NPNT: variants seen among roughly 807,000 people sequenced by gnomAD.
NPNT encodes nephronectin.
Under a neutral mutation model 68.6 loss-of-function variants are expected in NPNT, and 45 were observed. The observed-to-expected ratio is 0.66, with a 90% CI of 0.52 to 0.84. NPNT has a LOEUF of 0.84. NPNT is among the 40% of genes least tolerant of loss of function. The pLI is 0.00. For missense variants in NPNT, 672 were observed against 714.8 expected (o/e 0.94, Z 0.68); for synonymous variants, 233 against 253.3 (o/e 0.92, Z 0.76).
At chr4:105,947,994 G>A (rs1469241381) in intron 8 of NPNT, among the ~76,000 whole-genome samples, 3 of 152,078 alleles carry the variant, frequency 2.0e-5, no homozygotes, top group African/African-American at 4.8e-5. Context: ...GAATGAAATG[G>A]AATTTTATAT....
At chr4:105,905,549 C>T (rs1047761407) in intron 2 of NPNT, among the ~76,000 whole-genome samples, 5 of 151,988 alleles carry the variant, frequency 3.3e-5, no homozygotes, top group African/African-American at 1.2e-4. Flanking sequence ...TGTAACACTA[C>T]GTTTTGGAAA....
chr4:105,919,331 C>T (rs1325288651), intron 2 of NPNT, among the ~76,000 whole-genome samples: 1 of 152,034 alleles, frequency 6.6e-6, no homozygotes, highest in East Asian at 1.9e-4. Flanking sequence ...ACACTTCGTG[C>T]CTAAACACTT....
At chr4:105,920,395 T>TA (rs11355483) in intron 2 of NPNT, among the ~76,000 whole-genome samples, 1,162 of 79,412 alleles carry the variant, frequency 0.015, 49 homozygotes, top group African/African-American at 0.051. Flanking sequence ...GTTACTCTAC[T>TA]AAAAAAAAAA....
chr4:105,898,145 C>T (rs1726034330), intron 2 of NPNT, 144 bp downstream of exon 2: 1 of 510,488 alleles, frequency 2.0e-6, no homozygotes, highest in Non-Finnish European at 3.5e-6. Flanking sequence ...AGGTACAGTC[C>T]AGACTCCTTA....
chr4:105,970,771 T>C lies in NPNT; in HGVS notation c.*1781T>C. The C allele has an allele frequency of 5.5e-6, 2 of 364,238 alleles. No individual in the cohort carries two copies. The allele number at this position is 364,238 out of a possible 1,614,324, so 22.6% of individuals were successfully genotyped here. On this transcript the variant is annotated 3_prime_UTR_variant, in exon 12 of 12. Coordinates refer to ENST00000379987, the MANE Select transcript of NPNT (RefSeq NM_001033047.3). ...ACAAATTATAGAATTTCCCAAAAGA[T>C]GTTTTGATCCTACTAGTAGTATGCA...
At chr4:105,958,984 G>A (rs1476400752) in intron 9 of NPNT, 44 bp from the exon 10 acceptor site, 2 of 1,266,804 alleles carry the variant, frequency 1.6e-6, no homozygotes, top group South Asian at 1.2e-5. Context: ...GTTGTTTTTT[G>A]TTGATTTTCT....
rs572823702 is a variant in NPNT, at chr4:105,970,345, C to G, written c.*1355C>G. On this transcript the variant is annotated 3_prime_UTR_variant, in exon 12 of 12. Coordinates refer to ENST00000379987, the MANE Select transcript of NPNT (RefSeq NM_001033047.3). Reference sequence around the variant, plus strand: ...TCATTCCTGAGGTTTGTCTTAATTTCTGATTAAGTAATCAGAATATTTTCT... The same window carrying G: ...TCATTCCTGAGGTTTGTCTTAATTTGTGATTAAGTAATCAGAATATTTTCT... 8.1e-4 allele frequency: 554 copies of G among 681,266 alleles called. 6 individuals carry two copies. The African/African-American group carries it at 8.4e-3, about 10-fold the overall frequency. 42.2% of individuals were successfully genotyped at this position (681,266 alleles called of 1,614,324 possible).
chr4:105,896,489 G>C (rs1383310681), intron 1 of NPNT, among the ~76,000 whole-genome samples: 1 of 152,184 alleles, frequency 6.6e-6, no homozygotes, highest in African/African-American at 2.4e-5. Context: ...TCTGTCGGGA[G>C]GGTGTGCTCG....
At chr4:105,935,193 C>G (rs531542401) in intron 3 of NPNT, among the ~76,000 whole-genome samples, 1 of 152,178 alleles carries the variant, frequency 6.6e-6, no homozygotes, top group African/African-American at 2.4e-5. Flanking sequence ...ATCCTTTTCT[C>G]GAGATATAGG....
At chr4:105,898,655 T>TA (rs1403111498) in intron 2 of NPNT, among the ~76,000 whole-genome samples, 1 of 152,196 alleles carries the variant, frequency 6.6e-6, no homozygotes, top group African/African-American at 2.4e-5. Flanking sequence ...GTTCTATAAG[T>TA]AACCAACCTC....
In NPNT at chr4:105,897,943, T is replaced by C. The variant is rs145112631; in HGVS notation, c.114T>C (p.Tyr38=). ...TGTCATCGATTGGCCTATGTCGTTA[T>C]GGTGGGAGGATTGACTGCTGCTGGG... The part of the protein sequence containing the change: ...QIVSSIGLCR[Y]GGRIDCCWGW... The change falls in exon 2 of 12, where the codon TAT becomes TAC. Residue 38 remains tyrosine (Y), a synonymous_variant. Coordinates refer to ENST00000379987, the MANE Select transcript of NPNT (RefSeq NM_001033047.3). 2.4e-4 allele frequency: 384 copies of C among 1,613,692 alleles called. No homozygotes were observed. Among genetic ancestry groups the C allele is most frequent in the Non-Finnish European group, 2.9e-4 (347 of 1,179,904 alleles).
Position 105,920,644 on chromosome 4 carries a change from C to T in NPNT, c.173-6692C>T, listed in dbSNP as rs367733146. Among the ~76,000 whole-genome samples the T allele has an allele frequency of 1.3e-4, 19 of 151,870 alleles. 1 individual carries two copies. The East Asian group carries it at 1.7e-3, about 14-fold the overall frequency. ...AACTTGAGATGCACATATACAGATG[C>T]AGCCACTTATTTTGGCGGGGGACAC... is the stretch of plus-strand genomic sequence containing the variant. On this transcript the variant is annotated intron_variant, in intron 2 of 11. Coordinates refer to ENST00000379987, the MANE Select transcript of NPNT (RefSeq NM_001033047.3).
intron 2 of NPNT, chr4:105,898,241 T>C (rs1034212691): frequency 6.0e-5 from 21 of 352,258 alleles, no homozygotes; most frequent in Non-Finnish European, 1.1e-4. Flanking sequence ...TCTTTTAGCA[T>C]TTTTCCCCCC....
At chr4:105,950,013 A>G (rs946196494) in intron 8 of NPNT, among the ~76,000 whole-genome samples, 1 of 152,208 alleles carries the variant, frequency 6.6e-6, no homozygotes, top group African/African-American at 2.4e-5. Context: ...TCATTATATC[A>G]TTAATTCCTT....
In NPNT at chr4:105,940,611, C is replaced by T. The variant is rs893643007; in HGVS notation, c.738C>T (p.Tyr246=). The change falls in exon 7 of 12, where the codon TAC becomes TAT. Residue 246 remains tyrosine, a synonymous_variant. Transcript: ENST00000379987. The stretch of plus-strand genomic sequence containing the variant: ...ACAAGTGCAAATGTAAAGAAGGATA[C>T]CAGGGTGATGGACTGACTTGTGTGT... ...GSYKCKCKEG[Y]QGDGLTCVYI... 6.2e-7 allele frequency: 1 copy of T among 1,613,230 alleles called. No individual in the cohort carries two copies. Among genetic ancestry groups the T allele is most frequent in the Non-Finnish European group, 8.5e-7 (1 of 1,179,384 alleles).
At chr4:105,939,956 C>T (rs747267617) in intron 5 of NPNT, 119 bp from the exon 6 acceptor site, 21 of 779,678 alleles carry the variant, frequency 2.7e-5, no homozygotes, top group Admixed American at 7.1e-5. Context: ...AGCTAGATAC[C>T]GTTTATGATG....
chr4:105,920,407 A>AAAAAAAAAAAAACAAAC (rs1728170967), intron 2 of NPNT, among the ~76,000 whole-genome samples: 1 of 151,288 alleles, frequency 6.6e-6, no homozygotes, highest in Admixed American at 6.6e-5. Context: ...AAAAAAAAAA[A>AAAAAAAAAAAAACAAAC]AAAAAAAAAA....
At chr4:105,925,122 T>C (rs940160213) in intron 2 of NPNT, among the ~76,000 whole-genome samples, 2 of 152,182 alleles carry the variant, frequency 1.3e-5, no homozygotes, top group Non-Finnish European at 2.9e-5. Context: ...AAACTGCATA[T>C]AAACCATCCG....
chr4:105,948,204 G>A (rs1001410967), intron 8 of NPNT, among the ~76,000 whole-genome samples: 2 of 151,954 alleles, frequency 1.3e-5, no homozygotes, highest in Admixed American at 1.3e-4. Context: ...TAAATTTTAA[G>A]CATGACACTG....
Sources: gnomAD v4.1 joint callset for allele counts (sites outside exome capture counted in the v4.1 genomes callset) on GRCh38, gnomAD v4.1.1 for gene constraint, MANE v1.5 for transcripts, NCBI Gene and HGNC (gene_info 2026-07-23, HGNC 2026-07-21) for gene names.